The following POMZP3 variants were observed in gnomAD, a reference collection of about 807,000 sequenced individuals.
POMZP3 encodes POM121 and ZP3 fusion.
Under a neutral mutation model 19.8 loss-of-function variants are expected in POMZP3, and 10 were observed. That is an observed-to-expected ratio of 0.51 (90% CI 0.31 to 0.86). The LOEUF is 0.86. Among genes scored for constraint, POMZP3 ranks in the 40% least tolerant of loss-of-function variants. The pLI is 0.04. For missense variants in POMZP3, 152 were observed against 228.1 expected, an observed-to-expected ratio of 0.67 and a Z score of 2.15; for synonymous variants, 57 against 85.8, an observed-to-expected ratio of 0.66 and a Z score of 1.85.
intron 3 of POMZP3, among the ~76,000 whole-genome samples, chr7:76,622,840 C>G (rs1348397270): frequency 6.6e-6 from 1 of 151,752 alleles, no homozygotes; most frequent in African/African-American, 2.4e-5. Context: ...TGCATTCAAA[C>G]TCGAGCCCTT....
At chr7:76,624,313 C>T (rs1300045043) in intron 3 of POMZP3, among the ~76,000 whole-genome samples, 2 of 151,472 alleles carry the variant, frequency 1.3e-5, no homozygotes, top group Non-Finnish European at 2.9e-5. Context: ...CTTTGGGAGG[C>T]TGAGGCGAGC....
At position 76,626,229 on chromosome 7, in the gene POMZP3, G is replaced by A; in HGVS notation, c.-151-14C>T. On this transcript the variant is annotated splice_polypyrimidine_tract_variant and intron_variant, in intron 1 of 6. Coordinates refer to ENST00000310842, the MANE Select transcript of POMZP3 (RefSeq NM_012230.5). The stretch of plus-strand genomic sequence containing the variant: ...GTCCCACGATCCCTGCAGAGAATGC[G>A]AGACAAATCATGGAAACAAAGTATA... The A allele has an allele frequency of 2.0e-6, 3 of 1,534,128 alleles. No homozygotes were observed. The highest frequency in any genetic ancestry group is 2.6e-6 in the Non-Finnish European group (3 of 1,132,442).
chr7:76,622,519 C>T (rs1293783699), intron 3 of POMZP3, among the ~76,000 whole-genome samples: 1 of 148,180 alleles, frequency 6.7e-6, no homozygotes, highest in African/African-American at 2.5e-5. Context: ...GCTGGGATTA[C>T]AGGTATGCTG....
rs980232852 is a variant in POMZP3, at chr7:76,616,340, TAG to T, written c.345+1841_345+1842del. 7.5e-5 allele frequency among the ~76,000 whole-genome samples: 8 copies of T among 106,798 alleles called. 1 individual carries two copies. Among genetic ancestry groups the T allele is most frequent in the Admixed American group, 9.2e-5 (1 of 10,902 alleles). The allele number at this position is 106,798 out of a possible 152,430, so 70.1% of individuals were successfully genotyped here. On this transcript the variant is annotated intron_variant, in intron 4 of 6. Transcript: ENST00000310842. ...TAGATGGTGTGCACACTGAAGTTCA[TAG>T]AGTTTTACAGCAAACACCTATGAAG... is the stretch of plus-strand genomic sequence containing the variant.
At chr7:76,622,682 T>C (rs1815636699) in intron 3 of POMZP3, among the ~76,000 whole-genome samples, 1 of 151,498 alleles carries the variant, frequency 6.6e-6, no homozygotes, top group Admixed American at 6.6e-5. Flanking sequence ...AGTTTTGTTT[T>C]GTTTTGTTTT....
chr7:76,616,204 C>G lies in POMZP3; in HGVS notation c.345+1979G>C, dbSNP rs139266134. Among the ~76,000 whole-genome samples the G allele has an allele frequency of 5.2e-3, 741 of 141,542 alleles. 12 individuals carry two copies. Among genetic ancestry groups the G allele is most frequent in the African/African-American group, 0.019 (714 of 37,608 alleles). 92.9% of individuals were successfully genotyped at this position (141,542 alleles called of 152,430 possible). On this transcript the variant is annotated intron_variant, in intron 4 of 6. Transcript: ENST00000310842. ...GAGGCTGAGGCAGGAGAATTGCTTG[C>G]ACCCGGAGGCAGAGGTTGCAGTGAG...
rs73705109 is a variant in POMZP3 at position 76,626,519 on chromosome 7, T to C, written c.-152+189A>G. On this transcript the variant is annotated intron_variant, in intron 1 of 6. Transcript: ENST00000310842. ...TAGAACTGGAAAGAAGGGAATCGTTTTGGCAACACATCTCACACCAAGCAA... is the reference window on the plus strand; with the variant it reads ...TAGAACTGGAAAGAAGGGAATCGTTCTGGCAACACATCTCACACCAAGCAA... 4,918 of 606,626 alleles carry C rather than the reference T, an allele frequency of 8.1e-3. 104 individuals carry two copies. The African/African-American group carries it at 0.082, about 10-fold the overall frequency. 37.6% of individuals were successfully genotyped at this position (606,626 alleles called of 1,614,324 possible).
chr7:76,625,989 A>G lies in POMZP3; in HGVS notation c.65+11T>C, dbSNP rs2116888741. ...GAAAAGGGAGAGTATTCTTCCAACG[A>G]TAATACTCACATCGCAGAACGCGAA... On this transcript the variant is annotated intron_variant, in intron 2 of 6. Transcript: ENST00000310842. The G allele has an allele frequency of 3.1e-6, 5 of 1,613,660 alleles. No homozygotes were observed. The highest frequency in any genetic ancestry group is 2.2e-5 in the South Asian group (2 of 91,046).
At chr7:76,621,282 A>G (rs1219363464) in intron 3 of POMZP3, 1 of 150,402 alleles carries the variant, frequency 6.6e-6, no homozygotes, top group African/African-American at 2.5e-5. Context: ...CTGCCTTTCC[A>G]AGCAAAACAT....
At chr7:76,623,756 G>A (rs556369060) in intron 3 of POMZP3, among the ~76,000 whole-genome samples, 4 of 151,904 alleles carry the variant, frequency 2.6e-5, no homozygotes, top group East Asian at 1.9e-4. Flanking sequence ...AGCCAAGATC[G>A]TGCCATTTAC....
rs1250181700 is a variant in POMZP3, at chr7:76,615,572, G to C, written c.345+2611C>G. On this transcript the variant is annotated intron_variant, in intron 4 of 6. Coordinates refer to ENST00000310842, the MANE Select transcript of POMZP3 (RefSeq NM_012230.5). Reference sequence around the variant, plus strand: ...GTCCCTTAATGCCACCCTAACGTATGAGCCTCTGCTTCAGAGGTTTGCAAG... The same window carrying C: ...GTCCCTTAATGCCACCCTAACGTATCAGCCTCTGCTTCAGAGGTTTGCAAG... 2.3e-5 allele frequency: 2 copies of C among 87,312 alleles called. 1 individual carries two copies. The highest frequency in any genetic ancestry group is 4.5e-5 in the Non-Finnish European group (2 of 44,210). The allele number at this position is 87,312 out of a possible 1,614,324, so 5.4% of individuals were successfully genotyped here. A position where few individuals can be genotyped will look rare whatever the true frequency, so the allele number is the denominator to read the frequency against.
intron 3 of POMZP3, among the ~76,000 whole-genome samples, chr7:76,623,901 T>G (rs1250406325): frequency 6.7e-6 from 1 of 149,714 alleles, no homozygotes; most frequent in African/African-American, 2.5e-5. Flanking sequence ...TAAGAGCAAT[T>G]TTGTTTAAGT....
rs201579748 is a variant in POMZP3, at chr7:76,626,070, A to T, written c.-6T>A. 1.5e-5 allele frequency: 24 copies of T among 1,613,692 alleles called. No individual in the cohort carries two copies. The East Asian group carries it at 5.3e-4, about 36-fold the overall frequency. On this transcript the variant is annotated 5_prime_UTR_variant, in exon 2 of 7. Coordinates refer to ENST00000310842, the MANE Select transcript of POMZP3 (RefSeq NM_012230.5). ...GTCACTGGGCTACACACCATCCTGG[A>T]GTTGCGAGGGGACAGCACAGCCTTC...
intron 3 of POMZP3, among the ~76,000 whole-genome samples, chr7:76,625,015 C>T (rs2527933): frequency 3.3e-5 from 5 of 149,970 alleles, no homozygotes; most frequent in Non-Finnish European, 7.4e-5. Context: ...CGCCTGTAGT[C>T]CCAGCTACTC....
Position 76,613,507 on chromosome 7 carries a change from C to CTTTTTTTTTTT in POMZP3, c.346-1705_346-1695dup, listed in dbSNP as rs1193493149. Among the ~76,000 whole-genome samples, 70 of 67,410 alleles carry CTTTTTTTTTTT rather than the reference C, an allele frequency of 1.0e-3. 22 individuals are homozygous for CTTTTTTTTTTT. Among genetic ancestry groups the CTTTTTTTTTTT allele is most frequent in the African/African-American group, 3.6e-3 (50 of 13,952 alleles). The allele number at this position is 67,410 out of a possible 152,430, so 44.2% of individuals were successfully genotyped here. On this transcript the variant is annotated intron_variant, in intron 4 of 6. Transcript: ENST00000310842. ...ACCCTGTAAGCACTGCCCCCCTACC[C>CTTTTTTTTTTT]TTTTTTTTTTTTTTTTTTCTGAGAC...
chr7:76,623,389 ACT>A (rs1198918364), intron 3 of POMZP3, among the ~76,000 whole-genome samples: 3 of 149,952 alleles, frequency 2.0e-5, no homozygotes, highest in African/African-American at 4.9e-5. Flanking sequence ...CTTAATTATA[ACT>A]CTATTTCTGT....
chr7:76,617,588 G>A (rs1332758583), intron 4 of POMZP3, among the ~76,000 whole-genome samples: 2 of 88,174 alleles, frequency 2.3e-5, no homozygotes, highest in Non-Finnish European at 4.4e-5. Context: ...AGAATCACTA[G>A]CCTAACCTAT....
chr7:76,620,129 A>G (rs1262757606), intron 3 of POMZP3, among the ~76,000 whole-genome samples: 3 of 73,774 alleles, frequency 4.1e-5, no homozygotes, highest in East Asian at 6.5e-4. Context: ...CCTGGCTAAC[A>G]TGGAGAAACC....
At chr7:76,622,208 C>T (rs1201633336) in intron 3 of POMZP3, among the ~76,000 whole-genome samples, 2 of 151,526 alleles carry the variant, frequency 1.3e-5, no homozygotes, top group East Asian at 1.9e-4. Context: ...CAGCCACCCT[C>T]GGGGCTGCTC....
Sources: gnomAD v4.1 joint callset for allele counts (sites outside exome capture counted in the v4.1 genomes callset) on GRCh38, gnomAD v4.1.1 for gene constraint, MANE v1.5 for transcripts, NCBI Gene and HGNC (gene_info 2026-07-23, HGNC 2026-07-21) for gene names.